The following LARS2 variants were observed in gnomAD, a reference collection of about 807,000 sequenced individuals.
LARS2 encodes the protein leucyl-tRNA synthetase 2, mitochondrial.
In LARS2, 81 loss-of-function variants were observed where a neutral mutation model predicts 116.6. The ratio of observed to expected loss-of-function variants is 0.69; its 90% confidence interval spans 0.58 to 0.84. The LOEUF (loss-of-function observed/expected upper bound fraction) is 0.84, where lower values mean the gene tolerates loss of function less well. LARS2 is among the 40% of genes least tolerant of loss of function. The pLI, the probability that LARS2 is intolerant of heterozygous loss-of-function variation, is 0.00. For missense variants in LARS2, 968 were observed against 1,114.5 expected, an observed-to-expected ratio of 0.87 and a Z score of 1.87; for synonymous variants, 396 against 407.2, an observed-to-expected ratio of 0.97 and a Z score of 0.33.
At chr3:45,539,321 T>A (rs1021530158) in intron 20 of LARS2, among the ~76,000 whole-genome samples, 2 of 152,144 alleles carry the variant, frequency 1.3e-5, no homozygotes, top group Admixed American at 6.5e-5. Flanking sequence ...AGAAAATCTG[T>A]AACATAGTCT....
At chr3:45,511,838 C>T (rs938390678) in intron 15 of LARS2, among the ~76,000 whole-genome samples, 45 of 127,660 alleles carry the variant, frequency 3.5e-4, no homozygotes, top group African/African-American at 1.3e-3. Flanking sequence ...GGTGCAGTGG[C>T]GTGATCTCGG....
At chr3:45,508,754 A>G (rs1277165476) in intron 15 of LARS2, among the ~76,000 whole-genome samples, 1 of 151,840 alleles carries the variant, frequency 6.6e-6, no homozygotes, top group Non-Finnish European at 1.5e-5. Context: ...GTATATAGTG[A>G]TTTTTTTAAG....
chr3:45,472,410 C>T (rs1699542738), intron 8 of LARS2, among the ~76,000 whole-genome samples: 1 of 152,146 alleles, frequency 6.6e-6, no homozygotes, highest in Non-Finnish European at 1.5e-5. Context: ...GTACAGTGGT[C>T]TCAGGCCTGG....
chr3:45,469,849 C>T (rs1472986093), intron 8 of LARS2, among the ~76,000 whole-genome samples: 1 of 151,908 alleles, frequency 6.6e-6, no homozygotes, highest in East Asian at 1.9e-4. Flanking sequence ...ATTTTGGCAA[C>T]AAGAGTAAGT....
intron 20 of LARS2, among the ~76,000 whole-genome samples, chr3:45,537,668 G>A (rs550695188): frequency 6.6e-6 from 1 of 152,310 alleles, no homozygotes; most frequent in South Asian, 2.1e-4. Context: ...GCATAGCAGG[G>A]ATCGGACGCC....
intron 8 of LARS2, among the ~76,000 whole-genome samples, chr3:45,462,335 C>T (rs190338100): frequency 3.9e-5 from 6 of 152,008 alleles, no homozygotes; most frequent in African/African-American, 1.4e-4. Context: ...GTAATCTCAG[C>T]ACTTTGGGAG....
chr3:45,520,273 A>G lies in LARS2; in HGVS notation c.2269A>G (p.Met757Val), dbSNP rs1478071728. The change falls in exon 19 of 22, where the codon ATG (methionine) becomes GTG (valine). Residue 757 changes from methionine to valine, a missense_variant. Coordinates refer to ENST00000645846, the MANE Select transcript of LARS2 (RefSeq NM_015340.4). ...FSLNSAISQLMGLSNALSQAS... is the reference protein window; with the variant it reads ...FSLNSAISQLVGLSNALSQAS... ...ACTGAATTCTGCAATTTCTCAGCTG[A>G]TGGGACTCAGCAATGCCCTCTCGGT... is the stretch of plus-strand genomic sequence containing the variant. The G allele has an allele frequency of 1.2e-6, 2 of 1,613,542 alleles. No homozygotes were observed. Among genetic ancestry groups the G allele is most frequent in the Admixed American group, 1.7e-5 (1 of 60,014 alleles).
At chr3:45,529,356 C>T (rs1036679032) in intron 20 of LARS2, among the ~76,000 whole-genome samples, 3 of 152,014 alleles carry the variant, frequency 2.0e-5, no homozygotes, top group South Asian at 4.2e-4. Flanking sequence ...CACCTGAGGT[C>T]GGGAGTTCGA....
chr3:45,441,201 T>A (rs750056731), intron 6 of LARS2, among the ~76,000 whole-genome samples: 2 of 152,034 alleles, frequency 1.3e-5, no homozygotes, highest in East Asian at 3.9e-4. Context: ...CTTTTTGTAT[T>A]TTTAGTAGAG....
At chr3:45,462,844 A>G (rs1699356269) in intron 8 of LARS2, among the ~76,000 whole-genome samples, 1 of 152,188 alleles carries the variant, frequency 6.6e-6, no homozygotes, top group Admixed American at 6.5e-5. Context: ...TGTGAAAATT[A>G]CAGAGAACCC....
At chr3:45,467,312 T>A (rs975673959) in intron 8 of LARS2, among the ~76,000 whole-genome samples, 1 of 152,192 alleles carries the variant, frequency 6.6e-6, no homozygotes, top group Admixed American at 6.5e-5. Context: ...ATAACCATTC[T>A]CTTATGCAGA....
At chr3:45,423,883 T>C (rs1698552838) in intron 6 of LARS2, among the ~76,000 whole-genome samples, 2 of 152,206 alleles carry the variant, frequency 1.3e-5, no homozygotes, top group Non-Finnish European at 2.9e-5. Flanking sequence ...TATAGAATCT[T>C]TCATTCATTA....
At chr3:45,426,083 G>A (rs921745638) in intron 6 of LARS2, among the ~76,000 whole-genome samples, 9 of 151,892 alleles carry the variant, frequency 5.9e-5, no homozygotes, top group African/African-American at 1.7e-4. Flanking sequence ...AAGACAGCAC[G>A]ATTTGTATGA....
chr3:45,404,498 T>C (rs986975106), intron 4 of LARS2, among the ~76,000 whole-genome samples: 4 of 152,158 alleles, frequency 2.6e-5, no homozygotes, highest in African/African-American at 4.8e-5. Flanking sequence ...TTGAATAAAC[T>C]TGGACTCAAG....
intron 6 of LARS2, among the ~76,000 whole-genome samples, chr3:45,434,784 C>T (rs758754691): frequency 3.3e-5 from 5 of 152,102 alleles, no homozygotes; most frequent in Non-Finnish European, 5.9e-5. Context: ...ATATGGAGTC[C>T]GGGATCTCCA....
chr3:45,541,852 C>T lies in LARS2; in HGVS notation c.2428C>T (p.Leu810Phe). 6.2e-7 allele frequency: 1 copy of T among 1,614,214 alleles called. No individual in the cohort carries two copies. The highest frequency in any genetic ancestry group is 8.5e-7 in the Non-Finnish European group (1 of 1,180,028). Residue 810 changes from leucine to phenylalanine, a missense_variant, in exon 21 of 22, where the codon CTC becomes TTC. Transcript: ENST00000645846. The stretch of plus-strand genomic sequence containing the variant: ...AGGCCTGGCGCTGGTGCCGAGGAAG[C>T]TCTGTGCCCACTACACTTGGGATGC... ...WAGLALVPRK[L>F]CAHYTWDASV...
At chr3:45,519,240 C>T (rs1234567317) in intron 18 of LARS2, among the ~76,000 whole-genome samples, 1 of 151,872 alleles carries the variant, frequency 6.6e-6, no homozygotes, top group East Asian at 1.9e-4. Context: ...ACCTATAATC[C>T]CAGCACTTTG....
intron 15 of LARS2, among the ~76,000 whole-genome samples, chr3:45,511,702 G>C (rs1213524393): frequency 7.9e-5 from 12 of 151,442 alleles, no homozygotes. Flanking sequence ...TGTGCCACTT[G>C]ATAAAATACA....
chr3:45,418,295 C>T (rs1559462418), intron 5 of LARS2, among the ~76,000 whole-genome samples: 1 of 152,206 alleles, frequency 6.6e-6, no homozygotes, highest in African/African-American at 2.4e-5. Context: ...GTGTCTCTTA[C>T]CTGTCTTTGT....
Sources: allele counts gnomAD v4.1 joint callset (sites outside exome capture counted in the v4.1 genomes callset), GRCh38; gene constraint gnomAD v4.1.1; transcripts MANE v1.5; gene names NCBI Gene and HGNC (gene_info 2026-07-23, HGNC 2026-07-21).